HMGN5: variants seen among roughly 807,000 people sequenced by gnomAD.
The protein encoded by HMGN5 is high mobility group nucleosome-binding domain-containing protein 5.
In HMGN5, 4 loss-of-function variants were observed where a neutral mutation model predicts 9.5. The ratio of observed to expected loss-of-function variants is 0.42; its 90% CI spans 0.21 to 0.96. The LOEUF is 0.96. Among genes scored for constraint, HMGN5 ranks in the 40% least tolerant of loss-of-function variants. HMGN5 has a pLI of 0.30. For missense variants in HMGN5, 192 were observed against 187.5 expected (o/e 1.02, Z -0.14); for synonymous variants, 55 against 57.1 (o/e 0.96, Z 0.16).
intron 4 of HMGN5, 116 bp downstream of exon 4, chrX:81,118,614 G>A (rs2075260752): frequency 2.2e-5 from 18 of 825,976 alleles, no homozygotes; most frequent in Non-Finnish European, 2.9e-5. Context: ...TTTCCTTGGT[G>A]TGAAAGTTTT....
At chrX:81,174,149 A>G (rs1005507569) in intron 1 of HMGN5, among the ~76,000 whole-genome samples, 1 of 111,536 alleles carries the variant, frequency 9.0e-6, no homozygotes, top group African/African-American at 3.2e-5. Flanking sequence ...AATGTTTATT[A>G]CACTTATGTG....
At chrX:81,123,473 AAT>A (rs1297274967) in intron 1 of HMGN5, among the ~76,000 whole-genome samples, 2 of 111,955 alleles carry the variant, frequency 1.8e-5, no homozygotes, top group African/African-American at 6.5e-5. Context: ...GGTGAACTTA[AAT>A]ATGTTTCAAT....
chrX:81,160,754 C>A (rs897485271), intron 1 of HMGN5, among the ~76,000 whole-genome samples: 2 of 111,197 alleles, frequency 1.8e-5, no homozygotes, highest in African/African-American at 6.5e-5. Context: ...ACCACATTTT[C>A]TTTATCCAGC....
chrX:81,189,999 C>A (rs1344762199), intron 1 of HMGN5, among the ~76,000 whole-genome samples: 1 of 112,307 alleles, frequency 8.9e-6, no homozygotes, highest in Non-Finnish European at 1.9e-5. Flanking sequence ...AGCATCTTTT[C>A]AAATGTATAT....
At chrX:81,174,824 T>C (rs765352506) in intron 1 of HMGN5, among the ~76,000 whole-genome samples, 1 of 111,675 alleles carries the variant, frequency 9.0e-6, no homozygotes, top group African/African-American at 3.2e-5. Flanking sequence ...TTTTCTGCAA[T>C]GTATTTTTTT....
At chrX:81,181,276 T>C (rs1424458686) in intron 1 of HMGN5, among the ~76,000 whole-genome samples, 1 of 111,729 alleles carries the variant, frequency 9.0e-6, no homozygotes. Flanking sequence ...TTAATTAAAA[T>C]TTAAATTATT....
chrX:81,157,778 T>A (rs1009542944), intron 1 of HMGN5, among the ~76,000 whole-genome samples: 1 of 111,098 alleles, frequency 9.0e-6, no homozygotes, highest in Non-Finnish European at 1.9e-5. Context: ...CTGACCCAGG[T>A]AAAATAAATT....
At chrX:81,178,128 G>A (rs150634886) in intron 1 of HMGN5, among the ~76,000 whole-genome samples, 3 of 111,356 alleles carry the variant, frequency 2.7e-5, no homozygotes, top group East Asian at 2.8e-4. Context: ...ATCTCAAATC[G>A]ACACCCTAAC....
At chrX:81,139,938 G>A (rs907724208) in intron 1 of HMGN5, among the ~76,000 whole-genome samples, 3 of 112,029 alleles carry the variant, frequency 2.7e-5, no homozygotes, top group African/African-American at 9.7e-5. Flanking sequence ...GCAACTCTTA[G>A]GCAAGTCCCA....
intron 1 of HMGN5, among the ~76,000 whole-genome samples, chrX:81,136,797 T>C (rs2075312317): frequency 9.0e-6 from 1 of 111,458 alleles, no homozygotes; most frequent in South Asian, 3.7e-4. Flanking sequence ...TGATATACTG[T>C]TTGCAAGAAA....
intron 1 of HMGN5, among the ~76,000 whole-genome samples, chrX:81,159,686 C>A (rs1430030722): frequency 1.9e-5 from 2 of 107,801 alleles, no homozygotes; most frequent in Non-Finnish European, 3.8e-5. Context: ...CTGTGAAATT[C>A]TATTTTTTTT....
intron 1 of HMGN5, among the ~76,000 whole-genome samples, chrX:81,143,886 G>A (rs1233696450): frequency 8.9e-6 from 1 of 112,447 alleles, no homozygotes; most frequent in African/African-American, 3.2e-5. Context: ...CCACATGGAA[G>A]TTTGAACTGG....
chrX:81,177,157 A>G (rs1192168969), intron 1 of HMGN5, among the ~76,000 whole-genome samples: 2 of 109,221 alleles, frequency 1.8e-5, no homozygotes, highest in Non-Finnish European at 3.8e-5. Flanking sequence ...TAAAGAACTA[A>G]TACATGTTCT....
chrX:81,197,631 G>A (rs752576044), intron 1 of HMGN5: 12 of 111,103 alleles, frequency 1.1e-4, no homozygotes, highest in African/African-American at 3.3e-4. Context: ...ATGATAAAGA[G>A]TGCTTCTGCT....
intron 1 of HMGN5, among the ~76,000 whole-genome samples, chrX:81,152,576 A>C (rs971415108): frequency 1.8e-5 from 2 of 111,304 alleles, no homozygotes; most frequent in African/African-American, 6.5e-5. Context: ...CCATTGTGGA[A>C]GTCAGTGTGG....
chrX:81,186,304 G>A (rs894055527), intron 1 of HMGN5, among the ~76,000 whole-genome samples: 4 of 111,590 alleles, frequency 3.6e-5, no homozygotes, highest in Admixed American at 2.9e-4. Flanking sequence ...TTACTGATCT[G>A]TCCAGGTTTT....
chrX:81,140,747 A>G, intron 1 of HMGN5, among the ~76,000 whole-genome samples: 1 of 110,644 alleles, frequency 9.0e-6, no homozygotes, highest in Non-Finnish European at 1.9e-5. Flanking sequence ...TGGTGGATAC[A>G]GTGCAAAACT....
At chrX:81,170,238 C>T (rs190017211) in intron 1 of HMGN5, among the ~76,000 whole-genome samples, 37 of 110,248 alleles carry the variant, frequency 3.4e-4, no homozygotes, top group African/African-American at 1.2e-3. Context: ...GACTGGTTCT[C>T]ACGGCATCTG....
At chrX:81,115,719 G>A (rs920596094) in intron 6 of HMGN5, among the ~76,000 whole-genome samples, 4 of 112,073 alleles carry the variant, frequency 3.6e-5, no homozygotes, top group African/African-American at 9.7e-5. Context: ...ATTTGCATAT[G>A]TTTGGTTTAT....
Sources: gnomAD v4.1 joint callset for allele counts (sites outside exome capture counted in the v4.1 genomes callset) on GRCh38, gnomAD v4.1.1 for gene constraint, MANE v1.5 for transcripts, NCBI Gene and HGNC (gene_info 2026-07-23, HGNC 2026-07-21) for gene names.